The following ITFG1 variants were observed in gnomAD, a reference collection of about 807,000 sequenced individuals.
ITFG1 encodes T-cell immunomodulatory protein.
In ITFG1, 34 loss-of-function variants were observed where a neutral mutation model predicts 81.8. The observed-to-expected ratio is 0.42, with a 90% confidence interval of 0.32 to 0.55. The LOEUF (loss-of-function observed/expected upper bound fraction) is 0.55. Ranked by LOEUF, ITFG1 falls within the 20% of genes least tolerant of loss-of-function variation. The pLI is 0.17. For missense variants in ITFG1, 672 were observed against 755.4 expected (o/e 0.89, Z 1.29); for synonymous variants, 285 against 270.6 (o/e 1.05, Z -0.52).
chr16:47,169,381 T>C (rs540916038), intron 14 of ITFG1, among the ~76,000 whole-genome samples: 5 of 152,318 alleles, frequency 3.3e-5, no homozygotes, highest in African/African-American at 1.2e-4. Context: ...GCAATGTTTT[T>C]TAGTTTTCAG....
intron 6 of ITFG1, among the ~76,000 whole-genome samples, chr16:47,376,964 CAAAAAAAAA>C (rs1222007051): frequency 5.5e-5 from 1 of 18,076 alleles, no homozygotes. Context: ...TCTGTCTCCC[CAAAAAAAAA>C]AAAAAAAAAA....
At chr16:47,339,579 T>C (rs941471908) in intron 8 of ITFG1, among the ~76,000 whole-genome samples, 2 of 152,084 alleles carry the variant, frequency 1.3e-5, no homozygotes, top group African/African-American at 4.8e-5. Context: ...AACTGAAATA[T>C]AAAGTTCCCT....
chr16:47,409,393 T>TATATATATAC (rs1555514890), intron 6 of ITFG1, among the ~76,000 whole-genome samples: 1 of 16,600 alleles, frequency 6.0e-5, no homozygotes, highest in Non-Finnish European at 1.2e-4. Context: ...TATATATATA[T>TATATATATAC]ATATATATAT....
intron 14 of ITFG1, among the ~76,000 whole-genome samples, chr16:47,163,217 G>A (rs554826466): frequency 6.6e-6 from 1 of 152,286 alleles, no homozygotes; most frequent in East Asian, 1.9e-4. Context: ...GAATTGTTCA[G>A]CCATCACCAC....
chr16:47,323,634 C>A (rs1401712483), intron 8 of ITFG1, among the ~76,000 whole-genome samples: 1 of 148,040 alleles, frequency 6.8e-6, no homozygotes, highest in African/African-American at 2.7e-5. Flanking sequence ...TTTTTCCTAA[C>A]TCAGAGTTTG....
chr16:47,213,495 G>A (rs966164022), intron 14 of ITFG1, among the ~76,000 whole-genome samples: 1 of 152,062 alleles, frequency 6.6e-6, no homozygotes, highest in Non-Finnish European at 1.5e-5. Flanking sequence ...TTGAGAGAGA[G>A]ATATTGAGGT....
chr16:47,258,595 G>T, intron 12 of ITFG1, 37 bp downstream of exon 12: 2 of 953,892 alleles, frequency 2.1e-6, no homozygotes, highest in South Asian at 1.4e-5. Context: ...GAGGGGAAGA[G>T]AAAGAGAACA....
chr16:47,460,232 T>C (rs1016918799), intron 1 of ITFG1, among the ~76,000 whole-genome samples: 5 of 152,162 alleles, frequency 3.3e-5, no homozygotes, highest in South Asian at 2.1e-4. Context: ...CAAGGAGGCA[T>C]TGGGTTTATC....
chr16:47,345,287 A>C lies in ITFG1; in HGVS notation c.802+20501T>G, dbSNP rs114181557. ...TAAAAAAGAAAAAAAATTGCAAAAAAACTCTTTTTTTTTTTGTTTGTTTGT... is the reference window on the plus strand; with the variant it reads ...TAAAAAAGAAAAAAAATTGCAAAAACACTCTTTTTTTTTTTGTTTGTTTGT... On this transcript the variant is annotated intron_variant, in intron 8 of 17. Coordinates refer to ENST00000320640, the MANE Select transcript of ITFG1 (RefSeq NM_030790.5). Among the ~76,000 whole-genome samples the C allele has an allele frequency of 2.6e-3, 387 of 147,806 alleles. 3 individuals carry two copies. The highest frequency in any genetic ancestry group is 9.9e-3 in the African/African-American group (371 of 37,560).
At chr16:47,271,620 G>A (rs1966341495) in intron 10 of ITFG1, among the ~76,000 whole-genome samples, 1 of 152,244 alleles carries the variant, frequency 6.6e-6, no homozygotes, top group African/African-American at 2.4e-5. Context: ...AGCACTTTGG[G>A]AGGCCGAGGC....
intron 14 of ITFG1, among the ~76,000 whole-genome samples, chr16:47,168,295 C>G (rs1210296044): frequency 6.6e-6 from 1 of 152,054 alleles, no homozygotes; most frequent in Non-Finnish European, 1.5e-5. Flanking sequence ...TGTAAACATT[C>G]TTTTTATAGT....
intron 12 of ITFG1, among the ~76,000 whole-genome samples, chr16:47,257,534 G>A (rs1393079301): frequency 6.6e-6 from 1 of 152,132 alleles, no homozygotes; most frequent in Non-Finnish European, 1.5e-5. Context: ...GAAAACAGAA[G>A]TCACGTTTCT....
At chr16:47,317,756 C>T (rs1967384498) in intron 8 of ITFG1, 2 of 152,208 alleles carry the variant, frequency 1.3e-5, no homozygotes, top group South Asian at 4.1e-4. Context: ...GGGCATCCTA[C>T]TTCTAATGTC....
At chr16:47,433,857 AATATATATATATATAT>A (rs4038737) in intron 5 of ITFG1, among the ~76,000 whole-genome samples, 1,286 of 38,364 alleles carry the variant, frequency 0.034, 50 homozygotes, top group African/African-American at 0.074. Context: ...ATAAAAACTG[AATATATATATATATAT>A]ATATATATAT....
At chr16:47,276,508 C>T (rs1460189300) in intron 10 of ITFG1, among the ~76,000 whole-genome samples, 1 of 151,800 alleles carries the variant, frequency 6.6e-6, no homozygotes, top group Non-Finnish European at 1.5e-5. Flanking sequence ...TTTTTTTGGT[C>T]AAATAAGAAA....
intron 8 of ITFG1, among the ~76,000 whole-genome samples, chr16:47,355,459 C>G (rs1390889072): frequency 1.3e-5 from 2 of 152,100 alleles, no homozygotes; most frequent in African/African-American, 4.8e-5. Context: ...TTCTGGTGTT[C>G]TACTGCACAG....
rs1290035158 is a variant in ITFG1 at position 47,327,345 on chromosome 16, C to A, written c.803-13522G>T. On this transcript the variant is annotated intron_variant, in intron 8 of 17. Coordinates refer to ENST00000320640, the MANE Select transcript of ITFG1 (RefSeq NM_030790.5). ...TAATTCAAGATGGATTAAAGACTTA[C>A]ATGTTAGACCTAAAACCATAAAAAC... is the stretch of plus-strand genomic sequence containing the variant. 9.9e-5 allele frequency among the ~76,000 whole-genome samples: 15 copies of A among 152,076 alleles called. No homozygotes were observed. The East Asian group carries it at 1.5e-3, about 16-fold the overall frequency.
intron 12 of ITFG1, among the ~76,000 whole-genome samples, chr16:47,256,210 C>T (rs1044503813): frequency 1.3e-5 from 2 of 152,176 alleles, no homozygotes; most frequent in Non-Finnish European, 2.9e-5. Context: ...AGTGCTCTCC[C>T]TGCCTCAGCC....
At chr16:47,461,185 T>A (rs1475120138), upstream of ITFG1, 2 of 982,252 alleles carry the variant, frequency 2.0e-6, no homozygotes, top group East Asian at 2.7e-5. Flanking sequence ...TCTCTCCCAC[T>A]AGGGCTGCCC....
Sources: allele counts gnomAD v4.1 joint callset (sites outside exome capture counted in the v4.1 genomes callset), GRCh38; gene constraint gnomAD v4.1.1; transcripts MANE v1.5; gene names NCBI Gene and HGNC (gene_info 2026-07-23, HGNC 2026-07-21).